The following PCCA variants were observed in gnomAD, a reference collection of about 807,000 sequenced individuals.
PCCA encodes propionyl-CoA carboxylase subunit alpha, also known as propionyl-CoA carboxylase alpha chain, mitochondrial.
PCCA carries 74 observed loss-of-function variants against 101.3 expected under a neutral mutation model. That is an observed-to-expected ratio of 0.73 (90% CI 0.61 to 0.89). The LOEUF (loss-of-function observed/expected upper bound fraction) is 0.89, where lower values mean the gene tolerates loss of function less well. PCCA is among the 40% of genes least tolerant of loss of function. PCCA has a pLI of 0.00. For missense variants in PCCA, 891 were observed against 907.0 expected (o/e 0.98, Z 0.23); for synonymous variants, 294 against 313.6 (o/e 0.94, Z 0.66).
intron 16 of PCCA, among the ~76,000 whole-genome samples, chr13:100,328,711 T>TTTG (rs2069060671): frequency 6.8e-6 from 1 of 146,242 alleles, no homozygotes; most frequent in African/African-American, 2.5e-5. Flanking sequence ...TTTTTTTTTT[T>TTTG]GAGATGTTGT....
intron 19 of PCCA, among the ~76,000 whole-genome samples, chr13:100,414,044 A>G (rs576693115): frequency 1.0e-3 from 159 of 152,354 alleles, no homozygotes; most frequent in African/African-American, 3.7e-3. Context: ...AATTAAACAG[A>G]AACTAGCCAA....
chr13:100,482,758 C>T (rs1163114533), intron 21 of PCCA, among the ~76,000 whole-genome samples: 8 of 152,208 alleles, frequency 5.3e-5, no homozygotes, highest in East Asian at 3.9e-4. Flanking sequence ...CAGTGGCTCA[C>T]GCCTGTAATC....
At chr13:100,371,062 A>G (rs1306080939) in intron 19 of PCCA, among the ~76,000 whole-genome samples, 1 of 152,220 alleles carries the variant, frequency 6.6e-6, no homozygotes, top group Non-Finnish European at 1.5e-5. Flanking sequence ...CAGATTTTCC[A>G]TACAGGTCTC....
intron 10 of PCCA, among the ~76,000 whole-genome samples, chr13:100,264,565 C>T (rs2062806152): frequency 6.6e-6 from 1 of 152,138 alleles, no homozygotes; most frequent in South Asian, 2.1e-4. Context: ...CTCTGTTGTC[C>T]TTTGCTTCTA....
At chr13:100,278,442 A>C (rs1490080795) in intron 12 of PCCA, among the ~76,000 whole-genome samples, 6 of 148,400 alleles carry the variant, frequency 4.0e-5, no homozygotes, top group Non-Finnish European at 7.4e-5. Flanking sequence ...AAGTTTGTTC[A>C]AGTTTGTACC....
intron 7 of PCCA, among the ~76,000 whole-genome samples, chr13:100,210,782 T>G (rs1291434642): frequency 6.6e-6 from 1 of 152,204 alleles, no homozygotes; most frequent in Admixed American, 6.5e-5. Context: ...CTGTGTTGGG[T>G]TGTTCTTCAT....
intron 16 of PCCA, among the ~76,000 whole-genome samples, chr13:100,328,689 A>ATTTTTTTTTTTTTTTT (rs757599001): frequency 5.1e-5 from 5 of 98,218 alleles, no homozygotes; most frequent in Non-Finnish European, 8.1e-5. Context: ...GTTGAGGTTA[A>ATTTTTTTTTTTTTTTT]TTTTTTTTTT....
chr13:100,409,372 G>A (rs1290618103), intron 19 of PCCA, among the ~76,000 whole-genome samples: 1 of 152,122 alleles, frequency 6.6e-6, no homozygotes, highest in African/African-American at 2.4e-5. Flanking sequence ...TTTGTCCCAT[G>A]GCCAGAAGAA....
chr13:100,420,408 C>T (rs915719787), intron 19 of PCCA, among the ~76,000 whole-genome samples: 41 of 151,990 alleles, frequency 2.7e-4, no homozygotes, highest in Non-Finnish European at 4.1e-4. Flanking sequence ...ACCTGTCTCT[C>T]CAAAATAAAT....
chr13:100,110,814 T>C (rs1243288003), intron 2 of PCCA, among the ~76,000 whole-genome samples: 1 of 152,116 alleles, frequency 6.6e-6, no homozygotes, highest in African/African-American at 2.4e-5. Flanking sequence ...TTTATTTATT[T>C]ATTTATTTTT....
chr13:100,150,562 A>G (rs1050568272), intron 4 of PCCA: 1 of 1,260,582 alleles, frequency 7.9e-7, no homozygotes, highest in African/African-American at 1.5e-5. Flanking sequence ...GGTGGAACTT[A>G]CGGCCGTTTC....
intron 4 of PCCA, among the ~76,000 whole-genome samples, chr13:100,138,529 T>A (rs907648846): frequency 2.6e-5 from 4 of 152,204 alleles, no homozygotes; most frequent in African/African-American, 9.6e-5. Context: ...CTTCCTTCAT[T>A]CCTTATGTTC....
rs373334000 is a variant in PCCA at position 100,384,773 on chromosome 13, T to C, written c.1746+16199T>C. On this transcript the variant is annotated intron_variant, in intron 19 of 23. Coordinates refer to ENST00000376285, the MANE Select transcript of PCCA (RefSeq NM_000282.4). ...TACATTTATGCCTATTATAGGCTTT[T>C]AGTTTAAAAATTACCTATGGCTTAA... Among the ~76,000 whole-genome samples, 166 of 152,290 alleles carry C rather than the reference T, an allele frequency of 1.1e-3. 6 individuals carry two copies. In the South Asian group the frequency reaches 0.031, roughly 29 times the overall value.
At chr13:100,400,913 A>G (rs1213937627) in intron 19 of PCCA, among the ~76,000 whole-genome samples, 1 of 152,154 alleles carries the variant, frequency 6.6e-6, no homozygotes, top group Non-Finnish European at 1.5e-5. Context: ...GGCGTGAGCC[A>G]CCGGCATGGC....
chr13:100,340,358 C>T (rs937593169), intron 18 of PCCA, 99 bp downstream of exon 18: 2 of 745,428 alleles, frequency 2.7e-6, no homozygotes, highest in Admixed American at 1.9e-5. Flanking sequence ...GATCTCAGTT[C>T]TAGAGATCTT....
intron 16 of PCCA, among the ~76,000 whole-genome samples, chr13:100,322,876 A>G (rs1373965030): frequency 1.3e-5 from 2 of 152,052 alleles, no homozygotes; most frequent in South Asian, 2.1e-4. Flanking sequence ...CACCCAGCAC[A>G]ATTTTCTCAT....
At chr13:100,360,755 GTTTC>G (rs1226157018) in intron 18 of PCCA, among the ~76,000 whole-genome samples, 20 of 152,286 alleles carry the variant, frequency 1.3e-4, no homozygotes, top group African/African-American at 4.1e-4. Flanking sequence ...CAGTTTGGCA[GTTTC>G]TTACACAGCA....
Position 100,341,957 on chromosome 13 carries a change from G to GTATA in PCCA, c.1643+1720_1643+1723dup, listed in dbSNP as rs35822001. On this transcript the variant is annotated intron_variant, in intron 18 of 23. Transcript: ENST00000376285. ...TAATGTTTTGGTAGAACCCTTCAAA[G>GTATA]TATATATATATATATATATATATAT... is the stretch of plus-strand genomic sequence containing the variant. Among the ~76,000 whole-genome samples, 391 of 107,144 alleles carry GTATA rather than the reference G, an allele frequency of 3.6e-3. 19 individuals carry two copies. Among genetic ancestry groups the GTATA allele is most frequent in the African/African-American group, 0.012 (273 of 23,362 alleles). The allele number at this position is 107,144 out of a possible 152,430, so 70.3% of individuals were successfully genotyped here. A position where few individuals can be genotyped will look rare whatever the true frequency, so the allele number is the denominator to read the frequency against.
intron 12 of PCCA, among the ~76,000 whole-genome samples, chr13:100,292,435 G>T (rs1183962725): frequency 6.6e-6 from 1 of 152,106 alleles, no homozygotes; most frequent in Non-Finnish European, 1.5e-5. Context: ...TGCTGTATAG[G>T]ATTGTCAGCA....
Sources: gnomAD v4.1 joint callset for allele counts (sites outside exome capture counted in the v4.1 genomes callset) on GRCh38, gnomAD v4.1.1 for gene constraint, MANE v1.5 for transcripts, NCBI Gene and HGNC (gene_info 2026-07-23, HGNC 2026-07-21) for gene names.